PRDM6: variants seen among roughly 807,000 people sequenced by gnomAD.
PRDM6 encodes putative histone-lysine N-methyltransferase PRDM6.
In PRDM6, 25 loss-of-function variants were observed where a neutral mutation model predicts 60.8. The ratio of observed to expected loss-of-function variants is 0.41; its 90% CI spans 0.30 to 0.57. PRDM6 has a LOEUF of 0.57. PRDM6 is among the 20% of genes least tolerant of loss of function. The pLI is 0.27. For synonymous variants in PRDM6, 407 were observed against 357.4 expected, an observed-to-expected ratio of 1.14 and a Z score of -1.57; for missense variants, 839 against 821.3, an observed-to-expected ratio of 1.02 and a Z score of -0.26.
intron 5 of PRDM6, among the ~76,000 whole-genome samples, chr5:123,169,946 A>G (rs146598226): frequency 1.6e-4 from 24 of 151,826 alleles, no homozygotes; most frequent in African/African-American, 5.6e-4. Context: ...GTTGCCTCCT[A>G]CTCTTTCCTT....
intron 7 of PRDM6, among the ~76,000 whole-genome samples, chr5:123,184,515 C>T (rs335194): frequency 0.071 from 10,776 of 152,196 alleles, 407 homozygotes; most frequent in African/African-American, 0.082. Flanking sequence ...CCTCCTGACG[C>T]ATTACCTGCA....
chr5:123,164,331 G>C (rs1456412291), intron 5 of PRDM6, among the ~76,000 whole-genome samples: 1 of 152,128 alleles, frequency 6.6e-6, no homozygotes, highest in Non-Finnish European at 1.5e-5. Context: ...TTAGAACCAG[G>C]AACCAAAAGA....
At chr5:123,136,964 C>T (rs1053013023) in intron 3 of PRDM6, among the ~76,000 whole-genome samples, 2 of 152,176 alleles carry the variant, frequency 1.3e-5, no homozygotes, top group African/African-American at 4.8e-5. Flanking sequence ...CTTTAATTCC[C>T]AGCTACATCT....
Position 123,171,001 on chromosome 5 carries a change from C to T in PRDM6, c.1389C>T (p.Leu463=), listed in dbSNP as rs1341046191. 2.6e-6 allele frequency: 4 copies of T among 1,551,802 alleles called. No homozygotes were observed. Among genetic ancestry groups the T allele is most frequent in the South Asian group, 1.2e-5 (1 of 84,068 alleles). Residue 463 remains leucine (L), a synonymous_variant, in exon 6 of 8, where the codon CTC becomes CTT. Transcript: ENST00000407847. The part of the protein sequence containing the change: ...VLASPTSTSQ[L]HSEFSDWHLW... The stretch of plus-strand genomic sequence containing the variant: ...CAAGCCCAACTTCCACAAGCCAGCT[C>T]CACTCGGAGTTCAGTGACTGGCATC...
At chr5:123,111,663 G>A (rs886516397) in intron 3 of PRDM6, among the ~76,000 whole-genome samples, 4 of 150,778 alleles carry the variant, frequency 2.7e-5, no homozygotes, top group South Asian at 2.1e-4. Flanking sequence ...GCACCGCTGC[G>A]TTCCAGCAGG....
At position 123,090,183 on chromosome 5, in the gene PRDM6, C is replaced by T. The variant is rs555605131; in HGVS notation, c.169C>T (p.Pro57Ser). ...GCCTCTTCAGCCGCCGCCGCCGCCCCCGCCCCCGGAGCGCGCTGAGCCTCC... is the reference window on the plus strand; with the variant it reads ...GCCTCTTCAGCCGCCGCCGCCGCCCTCGCCCCCGGAGCGCGCTGAGCCTCC... ...PQPLQPPPPP[P>S]PPERAEPPPD... The change falls in exon 2 of 8, where the codon CCG (proline) becomes TCG (serine). Residue 57 changes from proline to serine, a missense_variant. By Grantham distance (74) the Pro-to-Ser change is moderately conservative. Coordinates refer to ENST00000407847, the MANE Select transcript of PRDM6 (RefSeq NM_001136239.4). The T allele has an allele frequency of 6.7e-7, 1 of 1,487,846 alleles. No individual in the cohort carries two copies. The highest frequency in any genetic ancestry group is 1.3e-5 in the South Asian group (1 of 77,182). 92.2% of individuals were successfully genotyped at this position (1,487,846 alleles called of 1,614,324 possible).
chr5:123,102,503 A>C (rs533480359), intron 3 of PRDM6, among the ~76,000 whole-genome samples: 229 of 152,274 alleles, frequency 1.5e-3, no homozygotes, highest in Middle Eastern at 0.01. Flanking sequence ...AGTAAGTAGA[A>C]TACATTGTAG....
At position 123,099,716 on chromosome 5, in the gene PRDM6, C is replaced by T; in HGVS notation, c.655C>T (p.Leu219=). The change falls in exon 3 of 8, where the codon CTG becomes TTG. Residue 219 remains leucine (L), a synonymous_variant. Coordinates refer to ENST00000407847, the MANE Select transcript of PRDM6 (RefSeq NM_001136239.4). The surrounding 1 kb of genome is among the most constrained non-coding windows in gnomAD (Gnocchi z 4.0). ...ECPMHGPLHS[L]RRLVGTSSAA... is the part of the protein sequence containing the mutation. ...CCCTATGCATGGGCCACTGCACTCG[C>T]TGCGCCGGCTTGTGGGCACCAGCAG... 6.5e-7 allele frequency: 1 copy of T among 1,530,286 alleles called. No individual in the cohort carries two copies. The highest frequency in any genetic ancestry group is 8.8e-7 in the Non-Finnish European group (1 of 1,138,888). 94.8% of individuals were successfully genotyped at this position (1,530,286 alleles called of 1,614,324 possible).
At chr5:123,165,786 A>G (rs1168077103) in intron 5 of PRDM6, among the ~76,000 whole-genome samples, 1 of 152,166 alleles carries the variant, frequency 6.6e-6, no homozygotes, top group African/African-American at 2.4e-5. Context: ...CACACTATAT[A>G]CACTGTTCTG....
rs1172139070 is a variant in PRDM6, at chr5:123,099,989, C to T, written c.900+28C>T. ...AAGTGGCCGGCTGCACAGCGCCTCC[C>T]CACCGAGCAGGAGCCTTGGCCAGCA... On this transcript the variant is annotated intron_variant, in intron 3 of 7. Coordinates refer to ENST00000407847, the MANE Select transcript of PRDM6 (RefSeq NM_001136239.4). This position sits in a 1 kb window ranked among gnomAD's most constrained non-coding sequence, Gnocchi z 4.0. 6.8e-7 allele frequency: 1 copy of T among 1,475,976 alleles called. No homozygotes were observed. The highest frequency in any genetic ancestry group is 9.0e-7 in the Non-Finnish European group (1 of 1,105,624). 91.4% of individuals were successfully genotyped at this position (1,475,976 alleles called of 1,614,324 possible). A position where few individuals can be genotyped will look rare whatever the true frequency, so the allele number is the denominator to read the frequency against.
rs1192996682 is a variant in PRDM6, at chr5:123,187,591, C to CT, written c.*397dup. The CT allele has an allele frequency of 1.1e-5, 2 of 186,570 alleles. No homozygotes were observed. Among genetic ancestry groups the CT allele is most frequent in the Non-Finnish European group, 1.1e-5 (1 of 88,404 alleles). The allele number at this position is 186,570 out of a possible 1,614,324, so 11.6% of individuals were successfully genotyped here. A position where few individuals can be genotyped will look rare whatever the true frequency, so the allele number is the denominator to read the frequency against. ...CACAGGGACTTGGTTCTCGTTGCAC[C>CT]TTTTTTTAGTAACATGTTTCATGGG... On this transcript the variant is annotated 3_prime_UTR_variant, in exon 8 of 8. Transcript: ENST00000407847.
chr5:123,175,931 A>G (rs778343566), intron 6 of PRDM6, among the ~76,000 whole-genome samples: 1 of 152,204 alleles, frequency 6.6e-6, no homozygotes, highest in Admixed American at 6.5e-5. Context: ...GGAGATGTGC[A>G]AGATTGTCTC....
At chr5:123,166,787 A>G (rs1408850467) in intron 5 of PRDM6, among the ~76,000 whole-genome samples, 1 of 152,206 alleles carries the variant, frequency 6.6e-6, no homozygotes, top group Non-Finnish European at 1.5e-5. Context: ...CTCTCTCAAT[A>G]TTTTAACTGT....
intron 3 of PRDM6, among the ~76,000 whole-genome samples, chr5:123,142,877 C>CAAAAAAAAAAAAAAAAAAAAAAAA: frequency 2.2e-4 from 6 of 27,368 alleles, no homozygotes; most frequent in East Asian, 8.3e-4. Flanking sequence ...CAGTGAAGAC[C>CAAAAAAAAAAAAAAAAAAAAAAAA]AAAAAAAAAA....
chr5:123,100,158 GA>G (rs1764066938), intron 3 of PRDM6, among the ~76,000 whole-genome samples, 197 bp downstream of exon 3: 1 of 152,250 alleles, frequency 6.6e-6, no homozygotes, highest in African/African-American at 2.4e-5. Context: ...TAAGGAGGCT[GA>G]CAGAGCTGGG....
At chr5:123,117,145 T>G (rs1300623698) in intron 3 of PRDM6, among the ~76,000 whole-genome samples, 1 of 152,180 alleles carries the variant, frequency 6.6e-6, no homozygotes, top group Non-Finnish European at 1.5e-5. Flanking sequence ...TTCTAATGAC[T>G]TTTCCCAGGG....
intron 3 of PRDM6, among the ~76,000 whole-genome samples, chr5:123,105,757 T>C (rs967996133): frequency 1.3e-5 from 2 of 152,364 alleles, no homozygotes; most frequent in African/African-American, 4.8e-5. Flanking sequence ...ATTCCTTGTA[T>C]ATTTACACAG....
At chr5:123,165,694 G>A (rs1000682561) in intron 5 of PRDM6, among the ~76,000 whole-genome samples, 1 of 152,184 alleles carries the variant, frequency 6.6e-6, no homozygotes, top group African/African-American at 2.4e-5. Context: ...TATTCTTTCA[G>A]AGATAATTTT....
At chr5:123,150,781 A>T (rs866570847) in intron 3 of PRDM6, among the ~76,000 whole-genome samples, 7 of 152,266 alleles carry the variant, frequency 4.6e-5, no homozygotes, top group Middle Eastern at 3.4e-3. Flanking sequence ...AAGGATTGTA[A>T]ACAGCGCTGG....
Sources: allele counts gnomAD v4.1 joint callset (sites outside exome capture counted in the v4.1 genomes callset), GRCh38; gene constraint gnomAD v4.1.1; non-coding constraint Gnocchi (gnomAD v3.1); transcripts MANE v1.5; gene names NCBI Gene and HGNC (gene_info 2026-07-23, HGNC 2026-07-21).